WWOX: variants seen among roughly 807,000 people sequenced by gnomAD.
WWOX encodes WW domain containing oxidoreductase, also known as WW domain-containing oxidoreductase.
WWOX carries 69 observed loss-of-function variants against 46.2 expected under a neutral mutation model. The ratio of observed to expected loss-of-function variants is 1.49; its 90% CI spans 1.23 to 1.82. The LOEUF is 1.82. Among genes scored for constraint, WWOX ranks in the 40% most tolerant of loss-of-function variants. The pLI is 0.00. For missense variants in WWOX, 919 were observed against 542.6 expected (o/e 1.69, Z -6.89); for synonymous variants, 359 against 202.6 (o/e 1.77, Z -6.56).
At chr16:78,460,004 A>G (rs988614557) in intron 8 of WWOX, among the ~76,000 whole-genome samples, 1 of 149,986 alleles carries the variant, frequency 6.7e-6, no homozygotes, top group East Asian at 2.0e-4. Context: ...TGGGTTTTTC[A>G]CCATGTTGTT....
chr16:78,450,263 G>A (rs907156916), intron 8 of WWOX, among the ~76,000 whole-genome samples: 1 of 152,124 alleles, frequency 6.6e-6, no homozygotes, highest in Non-Finnish European at 1.5e-5. Flanking sequence ...TCCTTGAGTT[G>A]CATATGATGG....
chr16:79,094,092 A>G (rs1358917816), intron 8 of WWOX, among the ~76,000 whole-genome samples: 1 of 151,664 alleles, frequency 6.6e-6, no homozygotes, highest in Non-Finnish European at 1.5e-5. Context: ...CACTCATCCC[A>G]CCTCCTCACT....
intron 8 of WWOX, among the ~76,000 whole-genome samples, chr16:78,867,886 C>G (rs965301496): frequency 2.6e-5 from 4 of 152,114 alleles, no homozygotes; most frequent in African/African-American, 9.7e-5. Flanking sequence ...GATTTATTAT[C>G]CCAAGAGTTG....
chr16:78,459,743 C>T (rs998779910), intron 8 of WWOX, among the ~76,000 whole-genome samples: 2 of 152,186 alleles, frequency 1.3e-5, no homozygotes, highest in African/African-American at 4.8e-5. Context: ...TTTGCATTTA[C>T]ATTCAGCCTG....
chr16:78,826,512 A>G (rs111408081), intron 8 of WWOX, among the ~76,000 whole-genome samples: 2,907 of 152,156 alleles, frequency 0.019, 42 homozygotes, highest in Non-Finnish European at 0.027. Flanking sequence ...TATCACTCCA[A>G]TCCCTGCCTC....
At chr16:78,678,103 C>G (rs1399611833) in intron 8 of WWOX, among the ~76,000 whole-genome samples, 1 of 152,190 alleles carries the variant, frequency 6.6e-6, no homozygotes, top group East Asian at 1.9e-4. Context: ...ACTGCCCTCC[C>G]CCTCCCCACT....
chr16:78,638,909 G>T (rs2046638592), intron 8 of WWOX, among the ~76,000 whole-genome samples: 1 of 152,064 alleles, frequency 6.6e-6, no homozygotes, highest in Non-Finnish European at 1.5e-5. Flanking sequence ...GAACTTTGAA[G>T]AAAACCTGAG....
intron 8 of WWOX, among the ~76,000 whole-genome samples, chr16:78,795,605 C>A (rs1035530014): frequency 3.9e-5 from 6 of 152,312 alleles, no homozygotes; most frequent in African/African-American, 1.4e-4. Flanking sequence ...TCTTGGAGCA[C>A]CACGCCTCAC....
At chr16:78,241,895 G>A (rs568846579) in intron 5 of WWOX, among the ~76,000 whole-genome samples, 11 of 152,224 alleles carry the variant, frequency 7.2e-5, no homozygotes, top group East Asian at 5.8e-4. Context: ...GCAGCGTCAC[G>A]TAGTAGCCCT....
In WWOX at chr16:78,347,982, A is replaced by G. The variant is rs182226612; in HGVS notation, c.517-38878A>G. ...GAAAGGCCAAGAGTAAGATTCTTTT[A>G]AAATCATGCCCAAGTTTTAAAGGAA... On this transcript the variant is annotated intron_variant, in intron 5 of 8. Transcript: ENST00000566780. Among the ~76,000 whole-genome samples, 93 of 122,892 alleles carry G rather than the reference A, an allele frequency of 7.6e-4. 21 individuals are homozygous for G. The highest frequency in any genetic ancestry group is 2.5e-3 in the African/African-American group (91 of 36,406). 80.6% of individuals were successfully genotyped at this position (122,892 alleles called of 152,430 possible).
intron 8 of WWOX, among the ~76,000 whole-genome samples, chr16:79,050,139 A>C (rs2048139227): frequency 6.6e-6 from 1 of 152,138 alleles, no homozygotes; most frequent in African/African-American, 2.4e-5. Context: ...GGCTCACGGC[A>C]ATCAGTATTT....
chr16:78,610,081 A>C (rs373817063), intron 8 of WWOX, among the ~76,000 whole-genome samples: 287 of 152,172 alleles, frequency 1.9e-3, no homozygotes, highest in African/African-American at 6.6e-3. Context: ...TGCTTCAGCA[A>C]GGTTTCTTTG....
At chr16:78,921,264 C>A (rs986082856) in intron 8 of WWOX, among the ~76,000 whole-genome samples, 1 of 152,112 alleles carries the variant, frequency 6.6e-6, no homozygotes, top group African/African-American at 2.4e-5. Context: ...AGAATAGATA[C>A]AGCTACGTCA....
intron 8 of WWOX, among the ~76,000 whole-genome samples, chr16:78,854,452 T>C (rs140766244): frequency 5.1e-4 from 77 of 152,358 alleles, no homozygotes; most frequent in African/African-American, 1.8e-3. Context: ...TTAACATCAA[T>C]AGCTTTCTAA....
chr16:78,570,402 G>A (rs2044686101), intron 8 of WWOX, among the ~76,000 whole-genome samples: 2 of 152,156 alleles, frequency 1.3e-5, no homozygotes, highest in South Asian at 2.1e-4. Flanking sequence ...TCGGTCTCCT[G>A]GGCTGAAGCG....
At chr16:78,243,934 G>A (rs537463375) in intron 5 of WWOX, among the ~76,000 whole-genome samples, 3 of 152,148 alleles carry the variant, frequency 2.0e-5, no homozygotes, top group Non-Finnish European at 2.9e-5. Flanking sequence ...TTCTCTTCCC[G>A]CATTAATTCA....
chr16:78,735,555 G>T (rs1279942225), intron 8 of WWOX, among the ~76,000 whole-genome samples: 4 of 152,180 alleles, frequency 2.6e-5, no homozygotes, highest in Non-Finnish European at 5.9e-5. Flanking sequence ...CAGCCATACA[G>T]ATGCTCAGAG....
chr16:78,373,245 C>A, intron 5 of WWOX, among the ~76,000 whole-genome samples: 1 of 152,132 alleles, frequency 6.6e-6, no homozygotes, highest in Non-Finnish European at 1.5e-5. Flanking sequence ...CACAATTTTA[C>A]CAAAAGTCTT....
intron 8 of WWOX, among the ~76,000 whole-genome samples, chr16:78,893,001 C>T (rs373874049): frequency 5.0e-4 from 76 of 152,278 alleles, no homozygotes; most frequent in African/African-American, 1.8e-3. Flanking sequence ...AGAGCGACAG[C>T]AGGAAGCCCA....
Sources: gnomAD v4.1 joint callset for allele counts (sites outside exome capture counted in the v4.1 genomes callset) on GRCh38, gnomAD v4.1.1 for gene constraint, MANE v1.5 for transcripts, NCBI Gene and HGNC (gene_info 2026-07-23, HGNC 2026-07-21) for gene names.